The following CEP128 variants were observed in gnomAD, a reference collection of about 807,000 sequenced individuals.
CEP128 encodes the protein centrosomal protein 128kDa.
A neutral mutation model predicts 156.7 loss-of-function variants in CEP128; 132 were observed. The observed-to-expected ratio is 0.84, with a 90% CI of 0.73 to 0.97. The LOEUF (loss-of-function observed/expected upper bound fraction) is 0.97, where lower values mean the gene tolerates loss of function less well. Among genes scored for constraint, CEP128 ranks in the 50% least tolerant of loss-of-function variants. The probability of loss-of-function intolerance (pLI) is 0.00; values close to 1 mark genes in which losing one functional copy is unlikely to be tolerated. For synonymous variants in CEP128, 469 were observed against 448.9 expected (o/e 1.04, Z -0.57); for missense variants, 1,252 against 1,281.9 (o/e 0.98, Z 0.36).
chr14:80,904,904 G>C lies in CEP128; in HGVS notation c.389C>G (p.Pro130Arg), dbSNP rs776071296. ...CTGTGGATCCCCATAGTCCTTGAGA[G>C]GTGAGGTAGGTGGAAAATGATGGAG... The part of the protein sequence containing the change: ...SELHHFPPTS[P>R]LKDYGDPQGI... The change falls in exon 6 of 25, where the codon CCT (proline) becomes CGT (arginine). Residue 130 changes from proline (P) to arginine (R), a missense_variant. Coordinates refer to ENST00000555265, the MANE Select transcript of CEP128 (RefSeq NM_152446.5). The C allele has an allele frequency of 1.2e-6, 2 of 1,606,672 alleles. No homozygotes were observed. Among genetic ancestry groups the C allele is most frequent in the African/African-American group, 2.7e-5 (2 of 74,716 alleles).
intron 6 of CEP128, among the ~76,000 whole-genome samples, chr14:80,901,628 G>C (rs889262397): frequency 6.6e-6 from 1 of 152,202 alleles, no homozygotes; most frequent in African/African-American, 2.4e-5. Context: ...TTGCCATCAT[G>C]ATTTTCCAAT....
At chr14:80,592,636 G>A (rs1183061606) in intron 19 of CEP128, among the ~76,000 whole-genome samples, 3 of 152,090 alleles carry the variant, frequency 2.0e-5, no homozygotes, top group Non-Finnish European at 4.4e-5. Flanking sequence ...GGAATCCTCC[G>A]TAACTTATTT....
intron 20 of CEP128, among the ~76,000 whole-genome samples, chr14:80,561,950 CAG>C (rs1381588823): frequency 7.0e-6 from 1 of 143,086 alleles, no homozygotes; most frequent in African/African-American, 2.7e-5. Flanking sequence ...TTTTTTGGGA[CAG>C]AGTCTCACTC....
In CEP128 at chr14:80,743,215, TTC is replaced by T. The variant is rs761698906; in HGVS notation, c.2664_2665del (p.Asn890SerfsTer17). On this transcript the variant is annotated frameshift_variant, in exon 19 of 25. Transcript: ENST00000555265. LOFTEE classifies it high-confidence loss of function. ...GAGCATCAGCTGGTGTCGCAGATTT[TTC>T]TCTCTGTTTTCTCTCTCTTTCAGTT... is the stretch of plus-strand genomic sequence containing the variant. 2.2e-5 allele frequency: 36 copies of T among 1,613,730 alleles called. No individual in the cohort carries two copies. Among genetic ancestry groups the T allele is most frequent in the Non-Finnish European group, 2.4e-5 (28 of 1,179,856 alleles).
At chr14:80,672,179 A>G (rs1206413068) in intron 19 of CEP128, among the ~76,000 whole-genome samples, 1 of 152,170 alleles carries the variant, frequency 6.6e-6, no homozygotes, top group Non-Finnish European at 1.5e-5. Context: ...TTCATTACAA[A>G]TAAAAAAACT....
intron 23 of CEP128, among the ~76,000 whole-genome samples, chr14:80,512,905 T>C (rs1888325021): frequency 6.6e-6 from 1 of 152,150 alleles, no homozygotes; most frequent in Non-Finnish European, 1.5e-5. Flanking sequence ...TTGTTGTCTC[T>C]ATTTTTATCT....
intron 19 of CEP128, among the ~76,000 whole-genome samples, chr14:80,700,054 G>A (rs1162837362): frequency 7.9e-6 from 1 of 127,210 alleles, no homozygotes; most frequent in Admixed American, 9.1e-5. Flanking sequence ...TGAAACCTAA[G>A]TCCTCCCACA....
At chr14:80,806,847 G>T (rs1418452187) in intron 13 of CEP128, among the ~76,000 whole-genome samples, 3 of 152,080 alleles carry the variant, frequency 2.0e-5, no homozygotes, top group Non-Finnish European at 4.4e-5. Context: ...TTGAGGGAGA[G>T]AAACTAAATA....
chr14:80,656,280 TA>T (rs1336427939), intron 19 of CEP128, among the ~76,000 whole-genome samples: 477 of 9,296 alleles, frequency 0.051, 30 homozygotes, highest in African/African-American at 0.31. Flanking sequence ...AGTTTTTATT[TA>T]TATATATATT....
chr14:80,604,616 T>C (rs769881294), intron 19 of CEP128, among the ~76,000 whole-genome samples: 1 of 152,158 alleles, frequency 6.6e-6, no homozygotes, highest in Non-Finnish European at 1.5e-5. Context: ...GGTTAGCTTT[T>C]ACAAACCATC....
chr14:80,526,555 T>A (rs530191825), intron 23 of CEP128: 1 of 200,092 alleles, frequency 5.0e-6, no homozygotes, highest in Admixed American at 5.3e-5. Context: ...AAGGTGATCA[T>A]CACACTAAGA....
chr14:80,922,874 C>T (rs908316795), intron 2 of CEP128, among the ~76,000 whole-genome samples: 4 of 152,338 alleles, frequency 2.6e-5, no homozygotes, highest in African/African-American at 7.2e-5. Context: ...TATCTAAATT[C>T]TGGTTAAAGC....
intron 8 of CEP128, among the ~76,000 whole-genome samples, chr14:80,890,874 T>C (rs1889064981): frequency 6.6e-6 from 1 of 152,166 alleles, no homozygotes; most frequent in African/African-American, 2.4e-5. Flanking sequence ...AATAATCTTA[T>C]TTTTAAATCG....
At chr14:80,586,049 T>C (rs1335250245) in intron 19 of CEP128, among the ~76,000 whole-genome samples, 2 of 152,076 alleles carry the variant, frequency 1.3e-5, no homozygotes, top group Non-Finnish European at 2.9e-5. Context: ...GCTACCCAGT[T>C]ATTGGAATCA....
intron 13 of CEP128, among the ~76,000 whole-genome samples, chr14:80,808,502 G>A (rs1884316313): frequency 6.6e-6 from 1 of 152,006 alleles, no homozygotes; most frequent in Admixed American, 6.6e-5. Flanking sequence ...CACTCATACC[G>A]CAGCACCTGC....
chr14:80,881,580 C>T (rs1888555446), intron 8 of CEP128, among the ~76,000 whole-genome samples: 2 of 152,058 alleles, frequency 1.3e-5, no homozygotes, highest in South Asian at 2.1e-4. Context: ...TTTACAAGAG[C>T]AGTATTATCT....
At chr14:80,589,731 T>C (rs973175605) in intron 19 of CEP128, among the ~76,000 whole-genome samples, 1 of 152,132 alleles carries the variant, frequency 6.6e-6, no homozygotes, top group Admixed American at 6.6e-5. Context: ...GATATTAACA[T>C]TCAAGGTACA....
chr14:80,832,944 G>T (rs1049322722), intron 12 of CEP128, among the ~76,000 whole-genome samples: 4 of 152,102 alleles, frequency 2.6e-5, no homozygotes, highest in African/African-American at 9.7e-5. Context: ...TATGATTTCT[G>T]TCATAACTAC....
intron 19 of CEP128, among the ~76,000 whole-genome samples, chr14:80,607,815 A>T (rs1439543316): frequency 1.3e-5 from 2 of 152,164 alleles, no homozygotes; most frequent in Non-Finnish European, 2.9e-5. Flanking sequence ...CTTTTTATAG[A>T]TTATACAATA....
Sources: gnomAD v4.1 joint callset for allele counts (sites outside exome capture counted in the v4.1 genomes callset) on GRCh38, gnomAD v4.1.1 for gene constraint, MANE v1.5 for transcripts, NCBI Gene and HGNC (gene_info 2026-07-23, HGNC 2026-07-21) for gene names.